Variants in GPC3 observed in about 807,000 individuals in gnomAD.
The protein encoded by GPC3 is glypican-3.
GPC3 carries 3 observed loss-of-function variants against 34.4 expected under a neutral mutation model. The observed-to-expected ratio is 0.09, with a 90% CI of 0.04 to 0.23. The LOEUF is 0.23. Ranked by LOEUF, GPC3 falls within the 10% of genes least tolerant of loss-of-function variation. The probability of loss-of-function intolerance (pLI) is 1.00; values close to 1 mark genes in which losing one functional copy is unlikely to be tolerated. For missense variants in GPC3, 351 were observed against 445.6 expected, an observed-to-expected ratio of 0.79 and a Z score of 1.91; for synonymous variants, 177 against 174.0, an observed-to-expected ratio of 1.02 and a Z score of -0.13.
chrX:133,682,961 T>C (rs1251971816), intron 5 of GPC3, among the ~76,000 whole-genome samples: 19 of 96,377 alleles, frequency 2.0e-4, no homozygotes, highest in South Asian at 5.3e-4. Flanking sequence ...AGCTAGACTC[T>C]GACTCAAAAA....
chrX:133,902,967 G>A (rs966222721), intron 2 of GPC3, among the ~76,000 whole-genome samples: 5 of 110,622 alleles, frequency 4.5e-5, no homozygotes, highest in African/African-American at 1.3e-4. Context: ...ATTTTAGGCC[G>A]GGTGCGGTAG....
chrX:133,871,952 A>T (rs1362677278), intron 2 of GPC3, among the ~76,000 whole-genome samples: 1 of 111,163 alleles, frequency 9.0e-6, no homozygotes, highest in Non-Finnish European at 1.9e-5. Context: ...CACCCTCCCC[A>T]CCTTTTTAAG....
intron 6 of GPC3, among the ~76,000 whole-genome samples, chrX:133,597,358 G>A (rs753088113): frequency 9.0e-6 from 1 of 111,310 alleles, no homozygotes; most frequent in South Asian, 3.9e-4. Flanking sequence ...CCTGAGGGCC[G>A]TTGTCAGATT....
chrX:133,628,129 G>A (rs1274962809), intron 6 of GPC3, among the ~76,000 whole-genome samples: 8 of 111,789 alleles, frequency 7.2e-5, no homozygotes, highest in Non-Finnish European at 1.3e-4. Flanking sequence ...TTCAGAGGTC[G>A]TTGTTTAGCT....
At chrX:133,796,852 T>C (rs1476296370) in intron 2 of GPC3, among the ~76,000 whole-genome samples, 1 of 111,397 alleles carries the variant, frequency 9.0e-6, no homozygotes, top group Non-Finnish European at 1.9e-5. Flanking sequence ...GGCCTACTTA[T>C]TACTCCCCAT....
chrX:133,720,899 G>C (rs1458847585), intron 3 of GPC3, among the ~76,000 whole-genome samples: 2 of 109,394 alleles, frequency 1.8e-5, no homozygotes, highest in Non-Finnish European at 3.8e-5. Flanking sequence ...GAAGGGTGAG[G>C]GGGGTAAGGA....
intron 6 of GPC3, among the ~76,000 whole-genome samples, chrX:133,613,456 A>G (rs1294058254): frequency 8.9e-6 from 1 of 112,266 alleles, no homozygotes. Flanking sequence ...TAAAATATAC[A>G]GTATTATGGA....
chrX:133,755,444 C>T (rs896015785), intron 2 of GPC3, among the ~76,000 whole-genome samples: 4 of 112,351 alleles, frequency 3.6e-5, no homozygotes, highest in Non-Finnish European at 7.5e-5. Flanking sequence ...GTAGAACATG[C>T]TCCCTAGATT....
At chrX:133,833,613 G>A (rs1457166781) in intron 2 of GPC3, among the ~76,000 whole-genome samples, 1 of 111,397 alleles carries the variant, frequency 9.0e-6, no homozygotes, top group Non-Finnish European at 1.9e-5. Flanking sequence ...GAGCATCTGG[G>A]GGAAATTCAA....
intron 6 of GPC3, among the ~76,000 whole-genome samples, chrX:133,658,102 C>A (rs1181693380): frequency 1.8e-5 from 2 of 112,048 alleles, no homozygotes; most frequent in African/African-American, 6.5e-5. Context: ...CTCCCTATCA[C>A]CAAATCTTTA....
At chrX:133,625,942 G>A (rs1270080270) in intron 6 of GPC3, among the ~76,000 whole-genome samples, 1 of 112,069 alleles carries the variant, frequency 8.9e-6, no homozygotes, top group Non-Finnish European at 1.9e-5. Context: ...AACCAAAACA[G>A]CATGGTACTG....
chrX:133,583,871 A>G (rs1243902318), intron 7 of GPC3, among the ~76,000 whole-genome samples: 2 of 112,001 alleles, frequency 1.8e-5, no homozygotes, highest in Admixed American at 1.9e-4. Context: ...AGAAGACAAC[A>G]TTCATATCTT....
chrX:133,560,339 T>TA lies in GPC3; in HGVS notation c.1574-24047dup, dbSNP rs1182963464. On this transcript the variant is annotated intron_variant, in intron 7 of 7. Transcript: ENST00000370818. ...CAAGAGAGACTTAGGACAATGTCTT[T>TA]AAAAAAAGGAGTTCCCTTTCCCCCT... is the stretch of plus-strand genomic sequence containing the variant. Among the ~76,000 whole-genome samples the TA allele has an allele frequency of 2.7e-5, 3 of 112,303 alleles. No homozygotes were observed. In the East Asian group the frequency reaches 8.3e-4, roughly 31 times the overall value.
intron 6 of GPC3, among the ~76,000 whole-genome samples, chrX:133,636,836 A>C (rs1025015328): frequency 3.6e-5 from 4 of 111,210 alleles, no homozygotes; most frequent in African/African-American, 1.3e-4. Context: ...TCTCACTAGC[A>C]GATCTCCCCT....
At chrX:133,587,527 T>C (rs780505045) in intron 7 of GPC3, among the ~76,000 whole-genome samples, 1 of 111,968 alleles carries the variant, frequency 8.9e-6, no homozygotes, top group Non-Finnish European at 1.9e-5. Flanking sequence ...TCCACACTGT[T>C]CTTTATAGTA....
At chrX:133,927,863 T>C (rs990011511) in intron 2 of GPC3, among the ~76,000 whole-genome samples, 32 of 107,160 alleles carry the variant, frequency 3.0e-4, no homozygotes, top group African/African-American at 1.0e-3. Context: ...GTAATAAATA[T>C]ACATATATAT....
At chrX:133,880,887 G>C (rs1229239149) in intron 2 of GPC3, among the ~76,000 whole-genome samples, 1 of 111,751 alleles carries the variant, frequency 8.9e-6, no homozygotes, top group African/African-American at 3.2e-5. Flanking sequence ...AATAATATCA[G>C]CTTTCCAGCT....
rs749930499 is a variant in GPC3 at position 133,805,412 on chromosome X, G to T, written c.338-51236C>A. ...GAGCAGGGGCAGCCTAGGACTGGGG[G>T]ACAGTGGAATATGAGGTCAAGTTCT... On this transcript the variant is annotated intron_variant, in intron 2 of 7. Transcript: ENST00000370818. Among the ~76,000 whole-genome samples the T allele has an allele frequency of 8.0e-5, 9 of 111,888 alleles. No homozygotes were observed. The South Asian group carries it at 3.4e-3, about 42-fold the overall frequency.
At chrX:133,852,437 A>G (rs769686839) in intron 2 of GPC3, among the ~76,000 whole-genome samples, 2 of 112,352 alleles carry the variant, frequency 1.8e-5, no homozygotes, top group Non-Finnish European at 3.7e-5. Flanking sequence ...TTTACTTTTG[A>G]AAACACGCAG....
Sources: gnomAD v4.1 joint callset for allele counts (sites outside exome capture counted in the v4.1 genomes callset) on GRCh38, gnomAD v4.1.1 for gene constraint, MANE v1.5 for transcripts, NCBI Gene and HGNC (gene_info 2026-07-23, HGNC 2026-07-21) for gene names.